The following CDCP1 variants were observed in gnomAD, a reference collection of about 807,000 sequenced individuals.
CDCP1 encodes CUB domain containing protein 1, also known as CUB domain-containing protein 1.
Under a neutral mutation model 60.2 loss-of-function variants are expected in CDCP1, and 29 were observed. The observed-to-expected ratio is 0.48, with a 90% confidence interval of 0.36 to 0.66. The LOEUF (loss-of-function observed/expected upper bound fraction) is 0.66. Ranked by LOEUF, CDCP1 falls within the 30% of genes least tolerant of loss-of-function variation. CDCP1 has a pLI of 0.00. For synonymous variants in CDCP1, 387 were observed against 431.1 expected, an observed-to-expected ratio of 0.90 and a Z score of 1.27; for missense variants, 876 against 1,074.3, an observed-to-expected ratio of 0.82 and a Z score of 2.58.
rs763144842 is a variant in CDCP1 at position 45,095,409 on chromosome 3, T to C, written c.1184A>G (p.His395Arg). 9 of 1,614,148 alleles carry C rather than the reference T, an allele frequency of 5.6e-6. No individual in the cohort carries two copies. The highest frequency in any genetic ancestry group is 7.6e-6 in the Non-Finnish European group (9 of 1,180,028). ...SNLTLTSGSK[H>R]KISFLCDDLT... ...ATCATCACAAAGGAAGGAGATTTTG[T>C]GTTTGGAGCCAGATGTCAGGGTGAG... Residue 395 changes from histidine to arginine, a missense_variant, in exon 5 of 9, where the codon CAC becomes CGC. Coordinates refer to ENST00000296129, the MANE Select transcript of CDCP1 (RefSeq NM_022842.5).
Position 45,112,185 on chromosome 3 carries a change from G to C in CDCP1, c.553C>G (p.Arg185Gly). 1 of 1,614,096 alleles carries C rather than the reference G, an allele frequency of 6.2e-7. No individual in the cohort carries two copies. The highest frequency in any genetic ancestry group is 8.5e-7 in the Non-Finnish European group (1 of 1,180,014). The change falls in exon 3 of 9, where the codon CGG becomes GGG. Residue 185 changes from arginine to glycine, a missense_variant. Arg to Gly is a moderately radical substitution (Grantham distance 125). Coordinates refer to ENST00000296129, the MANE Select transcript of CDCP1 (RefSeq NM_022842.5). Reference sequence around the variant, plus strand: ...TTCACTCCTTCTTGCATCTTGATCCGGGACACAGTGCCATTGCTGCAGAAG... The same window carrying C: ...TTCACTCCTTCTTGCATCTTGATCCCGGACACAGTGCCATTGCTGCAGAAG... ...GTFCSNGTVSRIKMQEGVKMA... is the reference protein window; with the variant it reads ...GTFCSNGTVSGIKMQEGVKMA...
chr3:45,130,498 C>T (rs984082622), intron 1 of CDCP1, among the ~76,000 whole-genome samples: 2 of 152,174 alleles, frequency 1.3e-5, no homozygotes, highest in African/African-American at 4.8e-5. Flanking sequence ...AGCTCCTCTC[C>T]CGCCATCCTT....
At chr3:45,134,521 G>A (rs529157445) in intron 1 of CDCP1, among the ~76,000 whole-genome samples, 2 of 152,326 alleles carry the variant, frequency 1.3e-5, no homozygotes, top group East Asian at 3.9e-4. Flanking sequence ...AGAGGCCAGG[G>A]CAGCCAACCA....
At chr3:45,136,061 G>A (rs1286539474) in intron 1 of CDCP1, among the ~76,000 whole-genome samples, 1 of 152,214 alleles carries the variant, frequency 6.6e-6, no homozygotes, top group Non-Finnish European at 1.5e-5. Context: ...AGGGCACACA[G>A]AGCTAGATGC....
intron 1 of CDCP1, among the ~76,000 whole-genome samples, chr3:45,121,252 A>G (rs746424469): frequency 1.5e-4 from 23 of 152,210 alleles, no homozygotes; most frequent in Non-Finnish European, 3.1e-4. Flanking sequence ...TTATTTGCTC[A>G]AATGCTTGGT....
intron 1 of CDCP1, among the ~76,000 whole-genome samples, chr3:45,129,196 G>C (rs975807308): frequency 2.0e-5 from 3 of 152,230 alleles, no homozygotes; most frequent in African/African-American, 7.2e-5. Flanking sequence ...CCATATGAGA[G>C]AGGTGGCCCT....
chr3:45,120,237 C>G lies in CDCP1; in HGVS notation c.83-1616G>C, dbSNP rs186607611. Among the ~76,000 whole-genome samples, 34 of 151,280 alleles carry G rather than the reference C, an allele frequency of 2.2e-4. 2 individuals carry two copies. In the East Asian group the frequency reaches 6.4e-3, roughly 28 times the overall value. On this transcript the variant is annotated intron_variant, in intron 1 of 8. Transcript: ENST00000296129. Reference sequence around the variant, plus strand: ...ACAGCTCAGCAGCTGTATGTGATCACACATTTGGATTTCTGTCACCCTTTT... The same window carrying G: ...ACAGCTCAGCAGCTGTATGTGATCAGACATTTGGATTTCTGTCACCCTTTT...
At chr3:45,131,887 G>A (rs992938267) in intron 1 of CDCP1, among the ~76,000 whole-genome samples, 3 of 152,158 alleles carry the variant, frequency 2.0e-5, no homozygotes, top group Non-Finnish European at 4.4e-5. Flanking sequence ...GGACACTGCT[G>A]CGGGCAGGCC....
chr3:45,118,688 C>A lies in CDCP1; in HGVS notation c.83-67G>T, dbSNP rs530001585. The A allele has an allele frequency of 8.3e-5, 108 of 1,308,066 alleles. No individual in the cohort carries two copies. In the East Asian group the frequency reaches 2.2e-3, roughly 26 times the overall value. The allele number at this position is 1,308,066 out of a possible 1,614,324, so 81.0% of individuals were successfully genotyped here. A position where few individuals can be genotyped will look rare whatever the true frequency, so the allele number is the denominator to read the frequency against. On this transcript the variant is annotated intron_variant, in intron 1 of 8. Coordinates refer to ENST00000296129, the MANE Select transcript of CDCP1 (RefSeq NM_022842.5). ...GTCTGCAAACTGCTGTGGTCCCCGACCCCAATCTGGTTCAGAGAGGATGTC... is the reference window on the plus strand; with the variant it reads ...GTCTGCAAACTGCTGTGGTCCCCGAACCCAATCTGGTTCAGAGAGGATGTC...
intron 8 of CDCP1, among the ~76,000 whole-genome samples, chr3:45,087,914 C>T (rs368411147): frequency 4.0e-5 from 6 of 151,638 alleles, no homozygotes; most frequent in African/African-American, 1.2e-4. Flanking sequence ...CCCAGCTACT[C>T]GGGAGGCTGA....
intron 1 of CDCP1, among the ~76,000 whole-genome samples, chr3:45,131,030 C>T (rs963968784): frequency 6.6e-6 from 1 of 152,134 alleles, no homozygotes; most frequent in Non-Finnish European, 1.5e-5. Flanking sequence ...CCATGCCTGG[C>T]TAATTTTTTT....
chr3:45,114,806 A>G (rs1698757505), intron 2 of CDCP1, among the ~76,000 whole-genome samples: 1 of 152,206 alleles, frequency 6.6e-6, no homozygotes, highest in African/African-American at 2.4e-5. Flanking sequence ...ATTGTTCAGA[A>G]AAGGCAATGA....
chr3:45,138,244 C>T (rs112838460), intron 1 of CDCP1, among the ~76,000 whole-genome samples: 4,025 of 152,296 alleles, frequency 0.026, 68 homozygotes, highest in Middle Eastern at 0.095. Context: ...TAACTTCATA[C>T]GGCTTTTCAC....
At chr3:45,123,661 T>C (rs141918332) in intron 1 of CDCP1, among the ~76,000 whole-genome samples, 20 of 152,368 alleles carry the variant, frequency 1.3e-4, no homozygotes, top group Admixed American at 5.2e-4. Context: ...TCTGCCACTC[T>C]GGAGGCATTT....
Position 45,123,662 on chromosome 3 carries a change from G to A in CDCP1, c.83-5041C>T, listed in dbSNP as rs527605591. 3.3e-5 allele frequency among the ~76,000 whole-genome samples: 5 copies of A among 152,260 alleles called. No individual in the cohort carries two copies. The East Asian group carries it at 9.7e-4, about 29-fold the overall frequency. On this transcript the variant is annotated intron_variant, in intron 1 of 8. Transcript: ENST00000296129. ...TGACCCCCACCAATTCTGCCACTCT[G>A]GAGGCATTTATTTCGCTGCAATAAA...
chr3:45,122,754 T>C (rs1017897210), intron 1 of CDCP1, among the ~76,000 whole-genome samples: 2 of 152,234 alleles, frequency 1.3e-5, no homozygotes, highest in African/African-American at 2.4e-5. Flanking sequence ...GCACCTGGCC[T>C]AGAAATTCAT....
intron 4 of CDCP1, among the ~76,000 whole-genome samples, chr3:45,097,264 G>A (rs913664470): frequency 2.7e-5 from 4 of 150,656 alleles, no homozygotes; most frequent in Admixed American, 1.3e-4. Context: ...CCGAGATCCC[G>A]CTATTTCACT....
At chr3:45,090,509 G>A (rs193219600) in intron 7 of CDCP1, among the ~76,000 whole-genome samples, 9 of 152,250 alleles carry the variant, frequency 5.9e-5, no homozygotes, top group East Asian at 5.8e-4. Flanking sequence ...TCATGACACC[G>A]AATCCCATGA....
rs186387829 is a variant in CDCP1, at chr3:45,099,058, T to C, written c.1025-3490A>G. Among the ~76,000 whole-genome samples the C allele has an allele frequency of 8.5e-4, 130 of 152,128 alleles. 1 individual carries two copies. The highest frequency in any genetic ancestry group is 1.6e-3 in the Admixed American group (25 of 15,282). On this transcript the variant is annotated intron_variant, in intron 4 of 8. Coordinates refer to ENST00000296129, the MANE Select transcript of CDCP1 (RefSeq NM_022842.5). ...TGATCCTGGATCTCCTTCACTGTTA[T>C]CATGGGATTCCCTTTGCTTCTCTCT...
Sources: gnomAD v4.1 joint callset for allele counts (sites outside exome capture counted in the v4.1 genomes callset) on GRCh38, gnomAD v4.1.1 for gene constraint, MANE v1.5 for transcripts, NCBI Gene and HGNC (gene_info 2026-07-23, HGNC 2026-07-21) for gene names.